The following MCTP2 variants were observed in gnomAD, a reference collection of about 807,000 sequenced individuals.
MCTP2 encodes the protein multiple C2 and transmembrane domain-containing protein 2.
A neutral mutation model predicts 111.6 loss-of-function variants in MCTP2; 132 were observed. The observed-to-expected ratio is 1.18, with a 90% confidence interval of 1.03 to 1.37. The LOEUF is 1.37. Ranked by LOEUF, MCTP2 falls within the 40% of genes most tolerant of loss-of-function variation. MCTP2 has a pLI of 0.00. For synonymous variants in MCTP2, 395 were observed against 387.7 expected (o/e 1.02, Z -0.22); for missense variants, 1,183 against 1,067.9 (o/e 1.11, Z -1.50).
intron 1 of MCTP2, among the ~76,000 whole-genome samples, chr15:94,235,364 G>A (rs551378452): frequency 6.6e-6 from 1 of 152,152 alleles, no homozygotes; most frequent in African/African-American, 2.4e-5. Flanking sequence ...AGAAATGCAC[G>A]TTCTCAGGCA....
intron 12 of MCTP2, among the ~76,000 whole-genome samples, chr15:94,377,219 C>G (rs1044664150): frequency 4.6e-5 from 7 of 152,144 alleles, no homozygotes; most frequent in Admixed American, 3.9e-4. Flanking sequence ...GAAGCTGTAT[C>G]CATAGCAATA....
intron 20 of MCTP2, among the ~76,000 whole-genome samples, chr15:94,467,082 A>G (rs2073405420): frequency 6.6e-6 from 1 of 152,136 alleles, no homozygotes; most frequent in South Asian, 2.1e-4. Context: ...TTATATGTAT[A>G]AATGTATGGA....
chr15:94,305,994 A>G (rs996522728), intron 2 of MCTP2, among the ~76,000 whole-genome samples: 7 of 152,208 alleles, frequency 4.6e-5, no homozygotes, highest in Non-Finnish European at 7.3e-5. Flanking sequence ...TAGAAAATGC[A>G]TACGGTCTAT....
intron 17 of MCTP2, among the ~76,000 whole-genome samples, chr15:94,412,801 C>G (rs1033253358): frequency 1.3e-5 from 2 of 151,786 alleles, no homozygotes; most frequent in African/African-American, 2.4e-5. Flanking sequence ...TGGAAATCAC[C>G]GAGACCCTCA....
intron 2 of MCTP2, among the ~76,000 whole-genome samples, chr15:94,306,809 T>A (rs2075900998): frequency 6.6e-6 from 1 of 152,172 alleles, no homozygotes; most frequent in Non-Finnish European, 1.5e-5. Context: ...TTTAGAGAAG[T>A]TCCCCATTGA....
chr15:94,466,644 A>T (rs2073342374), intron 20 of MCTP2, among the ~76,000 whole-genome samples: 1 of 152,096 alleles, frequency 6.6e-6, no homozygotes, highest in South Asian at 2.1e-4. Context: ...TCGTGCCCCC[A>T]ATCTCCCATC....
chr15:94,268,204 A>C (rs1186430362), intron 1 of MCTP2, among the ~76,000 whole-genome samples: 2 of 121,146 alleles, frequency 1.7e-5, no homozygotes, highest in African/African-American at 6.1e-5. Context: ...TTTTTGAGAC[A>C]GAGTTTCGCT....
intron 1 of MCTP2, among the ~76,000 whole-genome samples, chr15:94,261,659 A>G (rs1307491035): frequency 6.6e-6 from 1 of 152,194 alleles, no homozygotes; most frequent in African/African-American, 2.4e-5. Context: ...AAAACCAGGC[A>G]TATGTAGTTG....
chr15:94,434,691 T>C (rs1358736064), intron 17 of MCTP2, among the ~76,000 whole-genome samples: 1 of 152,182 alleles, frequency 6.6e-6, no homozygotes, highest in Non-Finnish European at 1.5e-5. Flanking sequence ...GATCTATTTC[T>C]GGACTCTATC....
intron 20 of MCTP2, among the ~76,000 whole-genome samples, chr15:94,466,408 C>CCTACCAAT (rs1296752909): frequency 6.6e-6 from 1 of 152,120 alleles, no homozygotes; most frequent in Non-Finnish European, 1.5e-5. Context: ...AGTCCCAGGA[C>CCTACCAAT]CTACCAATCT....
chr15:94,394,768 G>C (rs1171743191), intron 14 of MCTP2, among the ~76,000 whole-genome samples: 1 of 149,554 alleles, frequency 6.7e-6, no homozygotes, highest in Non-Finnish European at 1.5e-5. Context: ...CCATCTCAAA[G>C]AAAGAAAAAA....
At chr15:94,377,209 G>C (rs1380341811) in intron 12 of MCTP2, among the ~76,000 whole-genome samples, 1 of 152,150 alleles carries the variant, frequency 6.6e-6, no homozygotes, top group East Asian at 1.9e-4. Context: ...TCTGTCTCTT[G>C]AAGCTGTATC....
At chr15:94,377,913 C>G (rs1389055735) in intron 12 of MCTP2, among the ~76,000 whole-genome samples, 1 of 151,952 alleles carries the variant, frequency 6.6e-6, no homozygotes, top group Non-Finnish European at 1.5e-5. Context: ...CAGGGCCCGC[C>G]CAGCTTTTTC....
chr15:94,417,140 A>G (rs1001096179), intron 17 of MCTP2, among the ~76,000 whole-genome samples: 1 of 152,134 alleles, frequency 6.6e-6, no homozygotes, highest in Non-Finnish European at 1.5e-5. Flanking sequence ...CACATATAAT[A>G]GCTTTATTAA....
intron 1 of MCTP2, among the ~76,000 whole-genome samples, chr15:94,295,615 G>T (rs1426457304): frequency 6.6e-6 from 1 of 152,064 alleles, no homozygotes; most frequent in East Asian, 1.9e-4. Context: ...TGCTGAGAAG[G>T]TACTGGCCAC....
Position 94,279,667 on chromosome 15 carries a change from A to G in MCTP2, c.-65-18534A>G, listed in dbSNP as rs182377006. 8.7e-4 allele frequency among the ~76,000 whole-genome samples: 133 copies of G among 152,144 alleles called. 1 individual carries two copies. Among genetic ancestry groups the G allele is most frequent in the Admixed American group, 6.1e-3 (93 of 15,278 alleles). On this transcript the variant is annotated intron_variant, in intron 1 of 22. Transcript: ENST00000357742. ...AGTACTATGCTGAATAGGAGTGGTG[A>G]GAGTGGGCATCTTTGCCTTGTTCTG...
At chr15:94,267,958 T>C (rs146797861) in intron 1 of MCTP2, among the ~76,000 whole-genome samples, 4,573 of 144,836 alleles carry the variant, frequency 0.032, 249 homozygotes, top group African/African-American at 0.11. Flanking sequence ...CTCTGCCTCC[T>C]GGGTTCACGC....
At chr15:94,414,694 C>T (rs1023090398) in intron 17 of MCTP2, among the ~76,000 whole-genome samples, 1 of 152,048 alleles carries the variant, frequency 6.6e-6, no homozygotes, top group African/African-American at 2.4e-5. Flanking sequence ...TTGCATATTC[C>T]AGTGTTGTTT....
intron 8 of MCTP2, among the ~76,000 whole-genome samples, chr15:94,352,149 AGAGTC>A (rs1245644116): frequency 6.6e-6 from 1 of 152,232 alleles, no homozygotes; most frequent in Non-Finnish European, 1.5e-5. Flanking sequence ...TCCCTGTTTT[AGAGTC>A]TAGTCCTAGA....
Sources: allele counts gnomAD v4.1 joint callset (sites outside exome capture counted in the v4.1 genomes callset), GRCh38; gene constraint gnomAD v4.1.1; transcripts MANE v1.5; gene names NCBI Gene and HGNC (gene_info 2026-07-23, HGNC 2026-07-21).